ZC3H12B: variants seen among roughly 807,000 people sequenced by gnomAD.
The protein encoded by ZC3H12B is zinc finger CCCH-type containing 12B, also known as probable ribonuclease ZC3H12B.
Under a neutral mutation model 43.9 loss-of-function variants are expected in ZC3H12B, and 7 were observed. That is an observed-to-expected ratio of 0.16 (90% confidence interval 0.09 to 0.30). The LOEUF is 0.30. Ranked by LOEUF, ZC3H12B falls within the 10% of genes least tolerant of loss-of-function variation. The pLI is 1.00. For missense variants in ZC3H12B, 475 were observed against 670.2 expected (o/e 0.71, Z 3.22); for synonymous variants, 222 against 241.7 (o/e 0.92, Z 0.76).
At chrX:65,059,228 C>T in the ZC3H12B span, among the ~76,000 whole-genome samples, 1 of 86,868 alleles carries the variant, frequency 1.2e-5, no homozygotes, top group African/African-American at 4.1e-5. Flanking sequence ...CACCCCCCCC[C>T]CGCCCCAGTT....
the ZC3H12B span, among the ~76,000 whole-genome samples, chrX:65,325,372 C>T: frequency 1.8e-5 from 2 of 111,152 alleles, no homozygotes; most frequent in African/African-American, 6.5e-5. Flanking sequence ...CACTAAAAAG[C>T]TAAAACTGGT....
the ZC3H12B span, among the ~76,000 whole-genome samples, chrX:65,298,856 C>A: frequency 2.0e-3 from 228 of 111,503 alleles, no homozygotes; most frequent in African/African-American, 7.1e-3. Context: ...AAAGGGAAAG[C>A]AAGGCACCAT....
At chrX:65,364,223 C>A (rs767631153), upstream of ZC3H12B, among the ~76,000 whole-genome samples, 3 of 110,607 alleles carry the variant, frequency 2.7e-5, no homozygotes, top group African/African-American at 9.9e-5. Context: ...AAACTCATTG[C>A]CTTAACTCGA....
chrX:65,218,592 C>A, the ZC3H12B span, among the ~76,000 whole-genome samples: 2 of 110,505 alleles, frequency 1.8e-5, no homozygotes, highest in African/African-American at 6.6e-5. Flanking sequence ...CAGAGGCAGA[C>A]ATAATCTTCC....
the ZC3H12B span, among the ~76,000 whole-genome samples, chrX:65,239,845 G>A: frequency 3.4e-3 from 379 of 111,572 alleles, 3 homozygotes; most frequent in African/African-American, 0.012. Context: ...CTTAGTTTGG[G>A]CCAATATAAA....
the ZC3H12B span, among the ~76,000 whole-genome samples, chrX:65,201,586 T>TC: frequency 9.1e-6 from 1 of 109,761 alleles, no homozygotes; most frequent in Non-Finnish European, 1.9e-5. Context: ...TGTCTTCTGC[T>TC]AGCTTTGGGG....
At chrX:65,486,616 G>A (rs150019145), upstream of ZC3H12B, among the ~76,000 whole-genome samples, 799 of 112,373 alleles carry the variant, frequency 7.1e-3, 15 homozygotes, top group African/African-American at 0.025. Context: ...TTTCTGCTAA[G>A]CCACTTATTT....
At chrX:65,315,794 T>C in the ZC3H12B span, among the ~76,000 whole-genome samples, 6 of 111,903 alleles carry the variant, frequency 5.4e-5, no homozygotes, top group African/African-American at 1.3e-4. Flanking sequence ...ACACCAGTTC[T>C]ACAGCAATGG....
chrX:65,166,036 TTTTC>T, the ZC3H12B span, among the ~76,000 whole-genome samples: 15,362 of 110,721 alleles, frequency 0.14, 2,679 homozygotes, highest in African/African-American at 0.48. Context: ...TTGTATTTCT[TTTTC>T]TTTCTTTCTT....
the ZC3H12B span, among the ~76,000 whole-genome samples, chrX:65,126,113 G>A: frequency 9.4e-6 from 1 of 106,856 alleles, no homozygotes; most frequent in South Asian, 4.1e-4. Context: ...GAGTGTATTT[G>A]GTATATTTTG....
At chrX:65,125,254 A>T in the ZC3H12B span, among the ~76,000 whole-genome samples, 1 of 111,897 alleles carries the variant, frequency 8.9e-6, no homozygotes, top group East Asian at 2.8e-4. Flanking sequence ...ATGATTGTTC[A>T]GAAGCAGGTT....
At chrX:65,408,073 C>T (rs770795689) in intron 3 of ZC3H12B, 43 of 1,185,681 alleles carry the variant, frequency 3.6e-5, no homozygotes, top group Middle Eastern at 6.5e-4. Context: ...CCCCGGCCGC[C>T]GCCAGCGCGA....
At chrX:65,151,361 TTAA>T in the ZC3H12B span, among the ~76,000 whole-genome samples, 1 of 112,152 alleles carries the variant, frequency 8.9e-6, no homozygotes, top group Non-Finnish European at 1.9e-5. Context: ...GACTTCCTTG[TTAA>T]TAAGGTATTT....
the ZC3H12B span, among the ~76,000 whole-genome samples, chrX:65,250,654 T>C: frequency 8.8e-4 from 99 of 111,976 alleles, no homozygotes; most frequent in African/African-American, 3.1e-3. Context: ...TGGTATCTCA[T>C]TGTGGTTTTG....
rs867551228 is a variant in ZC3H12B, at chrX:65,457,094, G to A, written n.408-31552G>A. Among the ~76,000 whole-genome samples, 13 of 87,551 alleles carry A rather than the reference G, an allele frequency of 1.5e-4. No homozygotes were observed. In the Middle Eastern group the frequency reaches 0.02, roughly 136 times the overall value. 76.0% of individuals were successfully genotyped at this position (87,551 alleles called of 115,157 possible). A position where few individuals can be genotyped will look rare whatever the true frequency, so the allele number is the denominator to read the frequency against. On this transcript the variant is annotated intron_variant and non_coding_transcript_variant, in intron 3 of 5. Transcript: ENST00000617377. The stretch of plus-strand genomic sequence containing the variant: ...ATGTGGGGAGCACCTCTGCCCCGCC[G>A]CCCTGTCTGGGATGTGAGGAGCGCC...
chrX:65,394,005 G>T (rs913565226), intron 2 of ZC3H12B, among the ~76,000 whole-genome samples: 1 of 112,176 alleles, frequency 8.9e-6, no homozygotes, highest in African/African-American at 3.2e-5. Flanking sequence ...CTTCTTTTGA[G>T]AAGTGTCTGT....
chrX:65,372,349 T>A (rs2066256681), intron 2 of ZC3H12B, among the ~76,000 whole-genome samples: 1 of 111,479 alleles, frequency 9.0e-6, no homozygotes, highest in African/African-American at 3.3e-5. Context: ...TCAAATATTA[T>A]GAATTCAACT....
chrX:65,490,533 A>T (rs1247306112), intron 1 of ZC3H12B, among the ~76,000 whole-genome samples: 1 of 111,525 alleles, frequency 9.0e-6, no homozygotes, highest in Non-Finnish European at 1.9e-5. Flanking sequence ...AAGAGAATAA[A>T]TTGGTGCTAT....
the ZC3H12B span, among the ~76,000 whole-genome samples, chrX:65,136,981 T>C: frequency 8.9e-6 from 1 of 111,925 alleles, no homozygotes; most frequent in South Asian, 3.7e-4. Flanking sequence ...TCACAGCTGA[T>C]ATTTTATAAA....
Sources: gnomAD v4.1 joint callset for allele counts (sites outside exome capture counted in the v4.1 genomes callset) on GRCh38, gnomAD v4.1.1 for gene constraint, MANE v1.5 for transcripts, NCBI Gene and HGNC (gene_info 2026-07-23, HGNC 2026-07-21) for gene names.